Variants in SLC22A9 observed in about 807,000 individuals in gnomAD.
SLC22A9 encodes the protein solute carrier family 22 member 9.
SLC22A9 carries 64 observed loss-of-function variants against 50.1 expected under a neutral mutation model. The observed-to-expected ratio is 1.28, with a 90% confidence interval of 1.04 to 1.57. SLC22A9 has a LOEUF of 1.57. Ranked by LOEUF, SLC22A9 falls within the 40% of genes most tolerant of loss-of-function variation. The probability of loss-of-function intolerance (pLI) is 0.00; values close to 1 mark genes in which losing one functional copy is unlikely to be tolerated. For missense variants in SLC22A9, 757 were observed against 676.1 expected, an observed-to-expected ratio of 1.12 and a Z score of -1.33; for synonymous variants, 261 against 242.5, an observed-to-expected ratio of 1.08 and a Z score of -0.71.
intron 6 of SLC22A9, among the ~76,000 whole-genome samples, chr11:63,401,827 T>C (rs1018181689): frequency 2.6e-5 from 4 of 152,170 alleles, no homozygotes; most frequent in Non-Finnish European, 4.4e-5. Context: ...TATCTCATTA[T>C]TGCTTTCATT....
At chr11:63,385,803 C>T (rs370329252) in intron 6 of SLC22A9, among the ~76,000 whole-genome samples, 15 of 151,682 alleles carry the variant, frequency 9.9e-5, no homozygotes, top group East Asian at 5.8e-4. Flanking sequence ...CTTTCCTGAT[C>T]GCCCTGGCCA....
At position 63,374,048 on chromosome 11, in the gene SLC22A9, C is replaced by A. The variant is rs2014415686; in HGVS notation, c.816C>A (p.Ile272=). ...QLVVSVPYFV[I]FLTSSWLLES... is the part of the protein sequence containing the mutation. ...TGGTGTCTGTACCATACTTTGTGAT[C>A]TTTCTGACCTCAAGGTATGAGTTTG... is the stretch of plus-strand genomic sequence containing the variant. Residue 272 remains isoleucine (I), a synonymous_variant, in exon 4 of 10, where the codon ATC becomes ATA. Coordinates refer to ENST00000279178, the MANE Select transcript of SLC22A9 (RefSeq NM_080866.3). 6.2e-7 allele frequency: 1 copy of A among 1,608,806 alleles called. No homozygotes were observed. Among genetic ancestry groups the A allele is most frequent in the Non-Finnish European group, 8.5e-7 (1 of 1,178,220 alleles).
intron 6 of SLC22A9, among the ~76,000 whole-genome samples, chr11:63,384,637 A>G (rs2014628512): frequency 6.6e-6 from 1 of 152,152 alleles, no homozygotes; most frequent in African/African-American, 2.4e-5. Context: ...AATGATGTAT[A>G]TTCCTTTGCG....
intron 6 of SLC22A9, among the ~76,000 whole-genome samples, chr11:63,386,391 G>T (rs1429587198): frequency 7.8e-6 from 1 of 127,510 alleles, no homozygotes; most frequent in Non-Finnish European, 1.6e-5. Flanking sequence ...GCTCCCCTTT[G>T]TACCTCTGGT....
rs1348861624 is a variant in SLC22A9 at position 63,406,611 on chromosome 11, T to G, written c.1188T>G (p.Val396=). ...FGAVILLANC[V]APWALKYMNR... is the part of the protein sequence containing the mutation. Reference sequence around the variant, plus strand: ...CAGTCATCCTCCTGGCCAACTGTGTTGCACCTTGGGCACTGAAATACATGA... The same window carrying G: ...CAGTCATCCTCCTGGCCAACTGTGTGGCACCTTGGGCACTGAAATACATGA... The change falls in exon 7 of 10, where the codon GTT becomes GTG. Residue 396 remains valine (V), a synonymous_variant. Transcript: ENST00000279178. 1 of 1,613,754 alleles carries G rather than the reference T, an allele frequency of 6.2e-7. No individual in the cohort carries two copies. Among genetic ancestry groups the G allele is most frequent in the Non-Finnish European group, 8.5e-7 (1 of 1,179,862 alleles).
At chr11:63,397,345 T>G (rs1226504533) in intron 6 of SLC22A9, among the ~76,000 whole-genome samples, 1 of 152,136 alleles carries the variant, frequency 6.6e-6, no homozygotes, top group Admixed American at 6.5e-5. Flanking sequence ...AGTATAGCAC[T>G]GGGTATCACC....
At chr11:63,372,366 C>G (rs2014377836) in intron 2 of SLC22A9, among the ~76,000 whole-genome samples, 1 of 152,016 alleles carries the variant, frequency 6.6e-6, no homozygotes, top group African/African-American at 2.4e-5. Flanking sequence ...AATAAATAAG[C>G]AGATATTCAC....
At chr11:63,399,741 T>G (rs559809153) in intron 6 of SLC22A9, among the ~76,000 whole-genome samples, 4 of 152,158 alleles carry the variant, frequency 2.6e-5, no homozygotes, top group East Asian at 1.9e-4. Context: ...AAATGCAGGA[T>G]GTACATTCTT....
At chr11:63,396,070 C>T (rs775882826) in intron 6 of SLC22A9, among the ~76,000 whole-genome samples, 5 of 152,098 alleles carry the variant, frequency 3.3e-5, no homozygotes, top group East Asian at 1.9e-4. Flanking sequence ...CTAACAGCAC[C>T]GAGTCTGTTT....
At chr11:63,383,602 A>G (rs1044827703) in intron 6 of SLC22A9, among the ~76,000 whole-genome samples, 1 of 152,198 alleles carries the variant, frequency 6.6e-6, no homozygotes, top group African/African-American at 2.4e-5. Context: ...GCATACACCA[A>G]TGCAAAGCTT....
chr11:63,375,930 G>C (rs1478089357), intron 5 of SLC22A9, among the ~76,000 whole-genome samples, 162 bp downstream of exon 5: 1 of 152,088 alleles, frequency 6.6e-6, no homozygotes, highest in East Asian at 1.9e-4. Context: ...AATATTGTTT[G>C]GGTTAACATT....
At chr11:63,394,243 C>G (rs931489602) in intron 6 of SLC22A9, among the ~76,000 whole-genome samples, 9 of 151,974 alleles carry the variant, frequency 5.9e-5, no homozygotes, top group Non-Finnish European at 1.3e-4. Context: ...TCATTCCAGT[C>G]ATCATGCTAT....
intron 2 of SLC22A9, among the ~76,000 whole-genome samples, chr11:63,371,557 T>C (rs1243583585): frequency 1.3e-5 from 2 of 152,126 alleles, no homozygotes; most frequent in East Asian, 3.9e-4. Flanking sequence ...TTTCATCACA[T>C]AGGATTCAGC....
chr11:63,408,192 G>A lies in SLC22A9; in HGVS notation c.1369G>A (p.Gly457Arg). 1 of 1,613,654 alleles carries A rather than the reference G, an allele frequency of 6.2e-7. No homozygotes were observed. Among genetic ancestry groups the A allele is most frequent in the Non-Finnish European group, 8.5e-7 (1 of 1,179,714 alleles). ...TGCCAATACCCTTGCTTTTGCCCAT[G>A]GAAATGAAGTAATTCCCACCATAAT... is the stretch of plus-strand genomic sequence containing the variant. ...ALANTLAFAH[G>R]NEVIPTIIRA... The change falls in exon 8 of 10, where the codon GGA becomes AGA. Residue 457 changes from glycine (G) to arginine (R), a missense_variant. Physicochemically the swap from Gly to Arg is moderately radical, Grantham distance 125. Transcript: ENST00000279178.
intron 5 of SLC22A9, among the ~76,000 whole-genome samples, chr11:63,380,913 T>C (rs974846182): frequency 1.3e-5 from 2 of 151,952 alleles, no homozygotes; most frequent in Non-Finnish European, 2.9e-5. Context: ...AAAAGAATGA[T>C]GCATTATTAA....
At chr11:63,377,909 T>A (rs868455541) in intron 5 of SLC22A9, among the ~76,000 whole-genome samples, 1 of 152,114 alleles carries the variant, frequency 6.6e-6, no homozygotes, top group African/African-American at 2.4e-5. Flanking sequence ...ACTCAGAGAC[T>A]ATTACAAACG....
chr11:63,392,799 C>T (rs1346478238), intron 6 of SLC22A9, among the ~76,000 whole-genome samples: 1 of 152,104 alleles, frequency 6.6e-6, no homozygotes, highest in African/African-American at 2.4e-5. Context: ...ACCACTTTTA[C>T]ACAAAACCAA....
intron 6 of SLC22A9, among the ~76,000 whole-genome samples, chr11:63,393,141 T>A (rs1370496337): frequency 1.3e-5 from 2 of 152,192 alleles, no homozygotes; most frequent in Non-Finnish European, 2.9e-5. Context: ...TTTCCATTTG[T>A]TTGTGTCATC....
intron 6 of SLC22A9, among the ~76,000 whole-genome samples, chr11:63,388,895 AACCTTGGT>A (rs2014714072): frequency 6.6e-6 from 1 of 152,056 alleles, no homozygotes; most frequent in Admixed American, 6.5e-5. Flanking sequence ...TTCATGGTTC[AACCTTGGT>A]ATGCTATTCG....
Sources: allele counts gnomAD v4.1 joint callset (sites outside exome capture counted in the v4.1 genomes callset), GRCh38; gene constraint gnomAD v4.1.1; transcripts MANE v1.5; gene names NCBI Gene and HGNC (gene_info 2026-07-23, HGNC 2026-07-21).